The following TMEM108 variants were observed in gnomAD, a reference collection of about 807,000 sequenced individuals.
TMEM108 encodes transmembrane protein 108.
A neutral mutation model predicts 35.1 loss-of-function variants in TMEM108; 12 were observed. The ratio of observed to expected loss-of-function variants is 0.34; its 90% confidence interval spans 0.22 to 0.55. TMEM108 has a LOEUF of 0.55. TMEM108 is among the 20% of genes least tolerant of loss of function. TMEM108 has a pLI of 0.89. For synonymous variants in TMEM108, 287 were observed against 308.6 expected, an observed-to-expected ratio of 0.93 and a Z score of 0.73; for missense variants, 680 against 753.3, an observed-to-expected ratio of 0.90 and a Z score of 1.14.
At chr3:133,289,538 G>T (rs1947032797) in intron 3 of TMEM108, among the ~76,000 whole-genome samples, 1 of 152,088 alleles carries the variant, frequency 6.6e-6, no homozygotes, top group African/African-American at 2.4e-5. Context: ...CATTTCTTTG[G>T]CAAGCTGGGT....
chr3:133,075,711 G>A (rs557723681), intron 2 of TMEM108, among the ~76,000 whole-genome samples: 30 of 152,138 alleles, frequency 2.0e-4, no homozygotes, highest in Middle Eastern at 3.4e-3. Flanking sequence ...TCTTATTGTG[G>A]TTTTGATCTG....
chr3:133,338,445 T>G (rs1387243240), intron 3 of TMEM108, among the ~76,000 whole-genome samples: 1 of 151,984 alleles, frequency 6.6e-6, no homozygotes, highest in Admixed American at 6.6e-5. Context: ...CCTAGAATAG[T>G]GTATCCAGTG....
At chr3:133,301,320 A>G (rs1318289680) in intron 3 of TMEM108, among the ~76,000 whole-genome samples, 4 of 152,166 alleles carry the variant, frequency 2.6e-5, no homozygotes, top group Admixed American at 2.6e-4. Context: ...AATAACTCCA[A>G]GAAGTGCAGG....
intron 2 of TMEM108, among the ~76,000 whole-genome samples, chr3:133,143,487 A>G (rs1314804469): frequency 6.6e-6 from 1 of 152,106 alleles, no homozygotes; most frequent in Non-Finnish European, 1.5e-5. Flanking sequence ...ATTTTATCAT[A>G]ACAGCTCCAG....
chr3:133,113,615 CA>C (rs1944252006), intron 2 of TMEM108, among the ~76,000 whole-genome samples: 1 of 152,130 alleles, frequency 6.6e-6, no homozygotes, highest in Non-Finnish European at 1.5e-5. Flanking sequence ...TAGGCCAAAT[CA>C]AAAATATCCC....
chr3:133,391,339 C>T (rs1003748238), intron 5 of TMEM108, among the ~76,000 whole-genome samples: 6 of 152,130 alleles, frequency 3.9e-5, no homozygotes, highest in Admixed American at 1.3e-4. Flanking sequence ...AGATAACAGA[C>T]ATCTGAGTAA....
intron 2 of TMEM108, among the ~76,000 whole-genome samples, chr3:133,071,173 T>A (rs370903092): frequency 3.9e-5 from 6 of 152,148 alleles, no homozygotes; most frequent in African/African-American, 1.4e-4. Context: ...ACTGTTTTAG[T>A]TTGCTAGGGC....
intron 3 of TMEM108, among the ~76,000 whole-genome samples, chr3:133,241,838 TC>T (rs1260831136): frequency 6.6e-6 from 1 of 152,116 alleles, no homozygotes; most frequent in African/African-American, 2.4e-5. Context: ...GGTCTCAAAC[TC>T]CTGACCTTCG....
At chr3:133,085,911 G>A (rs1943876271) in intron 2 of TMEM108, among the ~76,000 whole-genome samples, 1 of 152,112 alleles carries the variant, frequency 6.6e-6, no homozygotes, top group Non-Finnish European at 1.5e-5. Flanking sequence ...TATTTTTAGA[G>A]TGAGACTTAT....
chr3:133,177,535 C>T (rs1262987543), intron 2 of TMEM108, among the ~76,000 whole-genome samples: 1 of 152,142 alleles, frequency 6.6e-6, no homozygotes, highest in Non-Finnish European at 1.5e-5. Flanking sequence ...TAAACATAAT[C>T]CAGCATATAA....
chr3:133,118,150 G>T (rs1317321198), intron 2 of TMEM108, among the ~76,000 whole-genome samples: 2 of 151,944 alleles, frequency 1.3e-5, no homozygotes, highest in African/African-American at 4.8e-5. Context: ...AAGTACTTAC[G>T]CTAGGTTCTC....
chr3:133,281,160 A>G (rs1946906445), intron 3 of TMEM108, among the ~76,000 whole-genome samples: 1 of 152,224 alleles, frequency 6.6e-6, no homozygotes, highest in South Asian at 2.1e-4. Context: ...CGAAGGAAAT[A>G]CAGTCTTGAA....
intron 2 of TMEM108, among the ~76,000 whole-genome samples, chr3:133,220,119 T>C (rs569345181): frequency 5.3e-5 from 8 of 152,036 alleles, no homozygotes; most frequent in African/African-American, 1.9e-4. Flanking sequence ...TAAAAGTCTT[T>C]TTTATCCGAT....
At chr3:133,174,968 G>C (rs1945194151) in intron 2 of TMEM108, among the ~76,000 whole-genome samples, 1 of 152,182 alleles carries the variant, frequency 6.6e-6, no homozygotes, top group Admixed American at 6.5e-5. Context: ...AACCAATGCA[G>C]GGAAGTCCTT....
Position 133,379,938 on chromosome 3 carries a change from A to C in TMEM108, c.227A>C (p.Gln76Pro), listed in dbSNP as rs148532842. 161 of 1,612,354 alleles carry C rather than the reference A, an allele frequency of 1.0e-4. No homozygotes were observed. The African/African-American group carries it at 1.7e-3, about 17-fold the overall frequency. Residue 76 changes from glutamine (Q) to proline (P), a missense_variant, in exon 4 of 6, where the codon CAG becomes CCG. By Grantham distance (76) the Gln-to-Pro change is moderately conservative. This residue lies in a region of TMEM108 where 526 missense variants were observed against 532.1 expected (regional missense o/e 0.99). Coordinates refer to ENST00000321871, the MANE Select transcript of TMEM108 (RefSeq NM_023943.4). ...LTPNPDGPPS[Q>P]AAAPMATPTP... The stretch of plus-strand genomic sequence containing the variant: ...CCCAATCCCGATGGACCCCCCTCAC[A>C]GGCTGCAGCTCCCATGGCAACACCG...
At position 133,211,468 on chromosome 3, in the gene TMEM108, C is replaced by G. The variant is rs376741579; in HGVS notation, c.-46-17798C>G. 5.3e-5 allele frequency among the ~76,000 whole-genome samples: 8 copies of G among 152,294 alleles called. No individual in the cohort carries two copies. The East Asian group carries it at 7.7e-4, about 15-fold the overall frequency. ...TGCAGTCAAAATGATAGAACATGCT[C>G]CTTTAGTATTTGGCATCTCTACAAT... On this transcript the variant is annotated intron_variant, in intron 2 of 5. Transcript: ENST00000321871.
At chr3:133,306,918 C>T (rs2071051191) in intron 3 of TMEM108, among the ~76,000 whole-genome samples, 2 of 152,222 alleles carry the variant, frequency 1.3e-5, no homozygotes, top group South Asian at 4.2e-4. Flanking sequence ...AATGGTATTT[C>T]TAGTTCTAGA....
At chr3:133,363,711 T>C (rs986050398) in intron 3 of TMEM108, among the ~76,000 whole-genome samples, 2 of 152,184 alleles carry the variant, frequency 1.3e-5, no homozygotes, top group African/African-American at 2.4e-5. Flanking sequence ...CGGCCTGTTA[T>C]TATTTTTATA....
intron 2 of TMEM108, among the ~76,000 whole-genome samples, chr3:133,071,887 A>G (rs534429819): frequency 5.9e-5 from 9 of 152,280 alleles, no homozygotes; most frequent in African/African-American, 2.2e-4. Context: ...AGTGCTTCTG[A>G]TATCATATCC....
Sources: gnomAD v4.1 joint callset for allele counts (sites outside exome capture counted in the v4.1 genomes callset) on GRCh38, gnomAD v4.1.1 for gene constraint, gnomAD v4.1.1 regional missense constraint, MANE v1.5 for transcripts, NCBI Gene and HGNC (gene_info 2026-07-23, HGNC 2026-07-21) for gene names.